The following POC1B variants were observed in gnomAD, a reference collection of about 807,000 sequenced individuals.
The protein encoded by POC1B is POC1 centriolar protein B, also known as POC1 centriolar protein homolog B.
A neutral mutation model predicts 60.6 loss-of-function variants in POC1B; 44 were observed. That is an observed-to-expected ratio of 0.73 (90% CI 0.57 to 0.93). The LOEUF (loss-of-function observed/expected upper bound fraction) is 0.93. Among genes scored for constraint, POC1B ranks in the 40% least tolerant of loss-of-function variants. The pLI is 0.00. For missense variants in POC1B, 555 were observed against 572.3 expected, an observed-to-expected ratio of 0.97 and a Z score of 0.31; for synonymous variants, 180 against 198.9, an observed-to-expected ratio of 0.90 and a Z score of 0.80.
At chr12:89,406,351 C>T in the POC1B span, among the ~76,000 whole-genome samples, 1 of 152,150 alleles carries the variant, frequency 6.6e-6, no homozygotes, top group African/African-American at 2.4e-5. Context: ...AAAGACTTCT[C>T]GATACACCAT....
At chr12:89,422,890 A>C (rs1296596367) in intron 11 of POC1B, among the ~76,000 whole-genome samples, 2 of 152,206 alleles carry the variant, frequency 1.3e-5, no homozygotes, top group African/African-American at 2.4e-5. Context: ...ATATTATTTA[A>C]TAGCTTTTGC....
At chr12:89,417,455 G>A (rs75099113), downstream of POC1B, among the ~76,000 whole-genome samples, 1,057 of 152,258 alleles carry the variant, frequency 6.9e-3, 17 homozygotes, top group African/African-American at 0.025. Context: ...GAGCCCAAAC[G>A]GCTTGCAGTT....
rs143772586 is a variant in POC1B at position 89,497,306 on chromosome 12, T to C, written c.137A>G (p.Asn46Ser). The change falls in exon 3 of 12, where the codon AAT becomes AGT. Residue 46 changes from asparagine (N) to serine (S), a missense_variant. By Grantham distance (46) the Asn-to-Ser change is conservative (BLOSUM62 1). Coordinates refer to ENST00000313546, the MANE Select transcript of POC1B (RefSeq NM_172240.3). ...ASWDTFLMLW[N>S]FKPHARAYRY... ...GTAAGCTCTAGCATGTGGCTTGAAA[T>C]TCCATAGCATGAGAAAGGTATCCCA... The C allele has an allele frequency of 6.2e-6, 10 of 1,612,772 alleles. No individual in the cohort carries two copies. The highest frequency in any genetic ancestry group is 7.6e-6 in the Non-Finnish European group (9 of 1,179,946).
chr12:89,404,563 C>T, the POC1B span, among the ~76,000 whole-genome samples: 2 of 152,096 alleles, frequency 1.3e-5, no homozygotes, highest in Non-Finnish European at 2.9e-5. Flanking sequence ...GTATAATAAC[C>T]AGCTTACCTA....
intron 4 of POC1B, among the ~76,000 whole-genome samples, chr12:89,487,972 G>A (rs60234900): frequency 2.6e-5 from 4 of 151,956 alleles, no homozygotes; most frequent in East Asian, 1.9e-4. Flanking sequence ...AGTAACTGTC[G>A]GCTCCCTGAG....
chr12:89,471,576 C>G (rs565444507), intron 6 of POC1B, 38 bp downstream of exon 6: 1 of 1,478,734 alleles, frequency 6.8e-7, no homozygotes, highest in African/African-American at 1.4e-5. Flanking sequence ...AAAAGGAGTC[C>G]ATTCGGTAAC....
chr12:89,501,828 T>C (rs1869585171), intron 2 of POC1B: 4 of 1,196,396 alleles, frequency 3.3e-6, no homozygotes, highest in Admixed American at 1.7e-5. Flanking sequence ...GGAAAAAAAC[T>C]ATTCCACTTA....
intron 6 of POC1B, 91 bp downstream of exon 6, chr12:89,471,523 G>T: frequency 9.6e-7 from 1 of 1,040,786 alleles, no homozygotes; most frequent in Non-Finnish European, 1.5e-6. Flanking sequence ...ATGACCCCAA[G>T]TAAGACAGCC....
rs141027674 is a variant in POC1B at position 89,472,652 on chromosome 12, G to A, written c.453-377C>T. 3.4e-3 allele frequency: 557 copies of A among 161,600 alleles called. 2 individuals are homozygous for A. Among genetic ancestry groups the A allele is most frequent in the Admixed American group, 8.7e-3 (133 of 15,368 alleles). The allele number at this position is 161,600 out of a possible 1,614,324, so 10.0% of individuals were successfully genotyped here. ...TGTCACTTGCCAGCATTATCCATATGATTCAAGAGAGAGCCTTTATTACTC... is the reference window on the plus strand; with the variant it reads ...TGTCACTTGCCAGCATTATCCATATAATTCAAGAGAGAGCCTTTATTACTC... On this transcript the variant is annotated intron_variant, in intron 4 of 11. Transcript: ENST00000313546.
intron 2 of POC1B, chr12:89,502,442 C>T (rs1382710620): frequency 1.6e-6 from 2 of 1,269,872 alleles, no homozygotes; most frequent in South Asian, 1.2e-5. Flanking sequence ...GGCAAAATAT[C>T]GTCTAAAAGG....
chr12:89,474,213 A>G (rs558222324), intron 4 of POC1B, among the ~76,000 whole-genome samples: 33 of 149,416 alleles, frequency 2.2e-4, no homozygotes, highest in African/African-American at 7.9e-4. Context: ...CTCAAAAGGA[A>G]AAAAAAAAAA....
At chr12:89,497,962 A>G (rs1869342493) in intron 2 of POC1B, among the ~76,000 whole-genome samples, 1 of 152,140 alleles carries the variant, frequency 6.6e-6, no homozygotes, top group African/African-American at 2.4e-5. Flanking sequence ...TTTGTTCCTG[A>G]ACCATTTAGG....
intron 2 of POC1B, among the ~76,000 whole-genome samples, chr12:89,503,847 C>T (rs1162447430): frequency 8.8e-5 from 13 of 147,202 alleles, no homozygotes; most frequent in South Asian, 2.2e-4. Flanking sequence ...GCCCGGCAGC[C>T]GCCCCGTCTG....
chr12:89,442,271 C>T (rs901438302), intron 10 of POC1B, among the ~76,000 whole-genome samples: 1 of 152,126 alleles, frequency 6.6e-6, no homozygotes, highest in African/African-American at 2.4e-5. Context: ...AAAGATACTC[C>T]TTAAGAAGAA....
chr12:89,497,947 A>G (rs1869341771), intron 2 of POC1B, among the ~76,000 whole-genome samples: 1 of 152,084 alleles, frequency 6.6e-6, no homozygotes, highest in Non-Finnish European at 1.5e-5. Flanking sequence ...ACACATACGT[A>G]TTTTTTTGTT....
At chr12:89,496,659 C>T (rs1044827650) in intron 3 of POC1B, among the ~76,000 whole-genome samples, 2 of 152,046 alleles carry the variant, frequency 1.3e-5, no homozygotes, top group Non-Finnish European at 2.9e-5. Flanking sequence ...TTTGTTATAA[C>T]GCATATGACC....
At chr12:89,456,021 G>T (rs1368645686) in intron 10 of POC1B, among the ~76,000 whole-genome samples, 3 of 151,660 alleles carry the variant, frequency 2.0e-5, no homozygotes, top group African/African-American at 7.3e-5. Context: ...TGTTGTTGTT[G>T]TTGTTGTTGT....
chr12:89,467,617 CTG>C lies in POC1B; in HGVS notation c.877_878del (p.Gln293GlyfsTer7). The C allele has an allele frequency of 6.2e-7, 1 of 1,608,504 alleles. No individual in the cohort carries two copies. Among genetic ancestry groups the C allele is most frequent in the Non-Finnish European group, 8.5e-7 (1 of 1,175,790 alleles). On this transcript the variant is annotated frameshift_variant and splice_region_variant, in exon 8 of 12. Coordinates refer to ENST00000313546, the MANE Select transcript of POC1B (RefSeq NM_172240.3). LOFTEE classifies it high-confidence loss of function. ...AAGAGGAGCTGAAAGATTTACAAACCTGTGTGTCTGCACCTCCTGATGCAAAT... is the reference window on the plus strand; with the variant it reads ...AAGAGGAGCTGAAAGATTTACAAACCTGTGTCTGCACCTCCTGATGCAAAT... ...ELFASGGADT[Q>X]VLLWRTNFDE... is the part of the protein sequence containing the mutation.
At chr12:89,496,620 T>C (rs1869261167) in intron 3 of POC1B, among the ~76,000 whole-genome samples, 1 of 152,224 alleles carries the variant, frequency 6.6e-6, no homozygotes, top group Non-Finnish European at 1.5e-5. Flanking sequence ...GGGCTATTAG[T>C]TAGGGTTTGA....
Sources: allele counts gnomAD v4.1 joint callset (sites outside exome capture counted in the v4.1 genomes callset), GRCh38; gene constraint gnomAD v4.1.1; transcripts MANE v1.5; gene names NCBI Gene and HGNC (gene_info 2026-07-23, HGNC 2026-07-21).